The following LRRC7 variants were observed in gnomAD, a reference collection of about 807,000 sequenced individuals.
LRRC7 encodes the protein leucine rich repeat containing 7.
In LRRC7, 23 loss-of-function variants were observed where a neutral mutation model predicts 175.7. The ratio of observed to expected loss-of-function variants is 0.13; its 90% confidence interval spans 0.09 to 0.19. The LOEUF is 0.19. Ranked by LOEUF, LRRC7 falls within the 10% of genes least tolerant of loss-of-function variation. LRRC7 has a pLI of 1.00. For synonymous variants in LRRC7, 685 were observed against 680.9 expected (o/e 1.01, Z -0.09); for missense variants, 1,354 against 1,904.7 (o/e 0.71, Z 5.38).
In LRRC7 at chr1:69,825,736, T is replaced by C. The variant is rs1679834185; in HGVS notation, c.422-12T>C. ...GAACATTTTCATGTACTTTGTTTTT[T>C]TCACATTTTAGGTGTACAAGAATTT... On this transcript the variant is annotated splice_polypyrimidine_tract_variant and intron_variant, in intron 4 of 26. Coordinates refer to ENST00000651989, the MANE Select transcript of LRRC7 (RefSeq NM_001370785.2). 2 of 1,565,088 alleles carry C rather than the reference T, an allele frequency of 1.3e-6. No homozygotes were observed. Among genetic ancestry groups the C allele is most frequent in the Non-Finnish European group, 1.7e-6 (2 of 1,146,736 alleles).
chr1:69,694,570 T>C (rs1397331674), intron 2 of LRRC7, among the ~76,000 whole-genome samples: 2 of 152,164 alleles, frequency 1.3e-5, no homozygotes, highest in Non-Finnish European at 2.9e-5. Context: ...CCCTCCAAAT[T>C]TCATGTTGAA....
chr1:69,871,673 A>G (rs915562743), intron 7 of LRRC7, among the ~76,000 whole-genome samples: 2 of 152,050 alleles, frequency 1.3e-5, no homozygotes, highest in Admixed American at 1.3e-4. Flanking sequence ...TGAAATGGCT[A>G]TATCAATCTG....
At chr1:70,011,710 T>C (rs528832600) in intron 11 of LRRC7, 87 bp from the exon 12 acceptor site, 1 of 862,926 alleles carries the variant, frequency 1.2e-6, no homozygotes, top group East Asian at 2.6e-5. Flanking sequence ...ATAACTTTTG[T>C]TTTGGTGAAT....
chr1:69,976,308 A>G (rs1279038534), intron 8 of LRRC7, among the ~76,000 whole-genome samples: 2 of 152,234 alleles, frequency 1.3e-5, no homozygotes, highest in Non-Finnish European at 2.9e-5. Context: ...GTTTGAGGGA[A>G]GGAAGCATCC....
At position 70,018,705 on chromosome 1, in the gene LRRC7, T is replaced by A; in HGVS notation, c.1321-14T>A. On this transcript the variant is annotated splice_polypyrimidine_tract_variant and intron_variant, in intron 14 of 26. Coordinates refer to ENST00000651989, the MANE Select transcript of LRRC7 (RefSeq NM_001370785.2). ...CAATTGTATTCATCTAATTTGTATG[T>A]TCTTTGCTTCTAGTCCAAAGCCCTT... is the stretch of plus-strand genomic sequence containing the variant. 6.3e-7 allele frequency: 1 copy of A among 1,584,744 alleles called. No individual in the cohort carries two copies.
Position 70,039,241 on chromosome 1 carries a change from CCAGTT to C in LRRC7, c.3419_3423del (p.Gln1140ArgfsTer26). ...TGAATGAGGATGCTGTGGTGAATGC[CCAGTT>C]CGCAAGCCAAGGGGCCAGGGCGGGC... On this transcript the variant is annotated frameshift_variant, in exon 21 of 27. Coordinates refer to ENST00000651989, the MANE Select transcript of LRRC7 (RefSeq NM_001370785.2). LOFTEE classifies it high-confidence loss of function. 6.2e-7 allele frequency: 1 copy of C among 1,613,534 alleles called. No individual in the cohort carries two copies. The highest frequency in any genetic ancestry group is 1.7e-4 in the Middle Eastern group (1 of 6,058).
At chr1:69,956,090 C>A (rs550955009) in intron 8 of LRRC7, among the ~76,000 whole-genome samples, 2 of 151,976 alleles carry the variant, frequency 1.3e-5, no homozygotes, top group South Asian at 4.1e-4. Context: ...AATGTGGAAA[C>A]AATGACATTA....
At chr1:70,091,197 G>T (rs1021597557) in intron 25 of LRRC7, among the ~76,000 whole-genome samples, 2 of 152,066 alleles carry the variant, frequency 1.3e-5, no homozygotes, top group African/African-American at 4.8e-5. Context: ...TGATGTTGAG[G>T]ATACCATTGA....
intron 7 of LRRC7, among the ~76,000 whole-genome samples, chr1:69,863,870 G>A (rs1008666470): frequency 1.3e-5 from 2 of 152,172 alleles, no homozygotes; most frequent in Middle Eastern, 3.4e-3. Flanking sequence ...TAACTTCAAT[G>A]ACATTCAAGA....
intron 1 of LRRC7, among the ~76,000 whole-genome samples, chr1:69,577,406 G>C (rs573539093): frequency 1.3e-5 from 2 of 152,206 alleles, no homozygotes; most frequent in Admixed American, 1.3e-4. Context: ...TGTCAATTTT[G>C]GCTTTTGTTG....
intron 2 of LRRC7, among the ~76,000 whole-genome samples, chr1:69,685,926 T>C (rs772127486): frequency 7.4e-5 from 11 of 149,440 alleles, no homozygotes; most frequent in Non-Finnish European, 1.6e-4. Flanking sequence ...CAACAGGACA[T>C]TTCATAATTA....
Position 70,076,165 on chromosome 1 carries a change from A to C in LRRC7, c.4319A>C (p.Lys1440Thr). Residue 1440 changes from lysine to threonine, a missense_variant, in exon 24 of 27, where the codon AAA becomes ACA. Lys to Thr is a moderately conservative substitution (Grantham distance 78). Around this residue, in one of 4 missense-constraint regions of LRRC7, gnomAD observed 1,032 missense variants for 1,227.2 expected, o/e 0.84. Coordinates refer to ENST00000651989, the MANE Select transcript of LRRC7 (RefSeq NM_001370785.2). Reference sequence around the variant, plus strand: ...CAGCCGTATGAAGGAAATATAAACAAAGTGACCATCCAGCAATTTCAGTCA... The same window carrying C: ...CAGCCGTATGAAGGAAATATAAACACAGTGACCATCCAGCAATTTCAGTCA... ...EQQPYEGNIN[K>T]VTIQQFQSPL... The C allele has an allele frequency of 6.2e-7, 1 of 1,614,012 alleles. No homozygotes were observed.
rs1467982330 is a variant in LRRC7, at chr1:70,131,353, T to C, written c.*9466T>C. On this transcript the variant is annotated 3_prime_UTR_variant, in exon 27 of 27. Transcript: ENST00000651989. The stretch of plus-strand genomic sequence containing the variant: ...ATCTAAGACCCCCAGGTTGGTAAGC[T>C]CCTAACCACAATCCCTTTATTACCT... Among the ~76,000 whole-genome samples, 1 of 152,198 alleles carries C rather than the reference T, an allele frequency of 6.6e-6. No individual in the cohort carries two copies. Among genetic ancestry groups the C allele is most frequent in the Non-Finnish European group, 1.5e-5 (1 of 68,036 alleles).
intron 7 of LRRC7, among the ~76,000 whole-genome samples, chr1:69,858,911 T>A (rs544674627): frequency 1.3e-5 from 2 of 152,170 alleles, no homozygotes; most frequent in Non-Finnish European, 2.9e-5. Context: ...TACATAATGA[T>A]AAAAGGGTCA....
intron 22 of LRRC7, among the ~76,000 whole-genome samples, chr1:70,051,497 C>T (rs1272485932): frequency 6.6e-6 from 1 of 151,898 alleles, no homozygotes; most frequent in Non-Finnish European, 1.5e-5. Flanking sequence ...AAAAGGTAAA[C>T]ACTAGAAAAG....
At chr1:69,617,881 C>A (rs910784293) in intron 1 of LRRC7, among the ~76,000 whole-genome samples, 1 of 152,044 alleles carries the variant, frequency 6.6e-6, no homozygotes, top group Admixed American at 6.6e-5. Flanking sequence ...GGGCCTGCAG[C>A]CCACAAACTA....
intron 2 of LRRC7, among the ~76,000 whole-genome samples, chr1:69,727,347 G>A (rs376002375): frequency 1.8e-4 from 28 of 152,184 alleles, no homozygotes; most frequent in African/African-American, 6.5e-4. Flanking sequence ...TTGCTGTAAG[G>A]GGTTTTTATA....
At chr1:70,011,725 G>C (rs1421367136) in intron 11 of LRRC7, 72 bp from the exon 12 acceptor site, 1 of 1,036,756 alleles carries the variant, frequency 9.6e-7, no homozygotes, top group African/African-American at 1.6e-5. Flanking sequence ...GTGAATTTTG[G>C]ATATGTGGCT....
intron 23 of LRRC7, among the ~76,000 whole-genome samples, chr1:70,054,967 A>G (rs1368839968): frequency 4.0e-5 from 6 of 151,888 alleles, no homozygotes; most frequent in African/African-American, 1.5e-4. Context: ...ACATACTTAC[A>G]CTCTTTGTTA....
Sources: gnomAD v4.1 joint callset for allele counts (sites outside exome capture counted in the v4.1 genomes callset) on GRCh38, gnomAD v4.1.1 for gene constraint, gnomAD v4.1.1 regional missense constraint, MANE v1.5 for transcripts, NCBI Gene and HGNC (gene_info 2026-07-23, HGNC 2026-07-21) for gene names.